The following KAZN variants were observed in gnomAD, a reference collection of about 807,000 sequenced individuals.
KAZN encodes the protein kazrin.
A neutral mutation model predicts 87.4 loss-of-function variants in KAZN; 40 were observed. The observed-to-expected ratio is 0.46, with a 90% confidence interval of 0.36 to 0.60. The LOEUF is 0.60. KAZN is among the 20% of genes least tolerant of loss of function. The pLI, the probability that KAZN is intolerant of heterozygous loss-of-function variation, is 0.00. For synonymous variants in KAZN, 466 were observed against 458.3 expected, an observed-to-expected ratio of 1.02 and a Z score of -0.22; for missense variants, 898 against 1,073.9, an observed-to-expected ratio of 0.84 and a Z score of 2.29.
chr1:13,907,590 C>G (rs1639493620), intron 1 of KAZN, among the ~76,000 whole-genome samples: 1 of 152,316 alleles, frequency 6.6e-6, no homozygotes, highest in East Asian at 1.9e-4. Flanking sequence ...TCCAAGCTCT[C>G]TTATCCAGGA....
At chr1:14,823,947 C>T (rs1044045602) in intron 1 of KAZN, among the ~76,000 whole-genome samples, 1 of 152,090 alleles carries the variant, frequency 6.6e-6, no homozygotes, top group Non-Finnish European at 1.5e-5. Context: ...AACCCCGTCT[C>T]TACTAAAAAC....
chr1:14,503,574 C>T (rs1670386877), intron 2 of KAZN, among the ~76,000 whole-genome samples: 1 of 149,320 alleles, frequency 6.7e-6, no homozygotes, highest in East Asian at 2.0e-4. Context: ...ATTGTAATTC[C>T]ACATCAAAAC....
chr1:15,102,486 G>C (rs985168228), intron 11 of KAZN, among the ~76,000 whole-genome samples: 2 of 152,158 alleles, frequency 1.3e-5, no homozygotes, highest in African/African-American at 4.8e-5. Flanking sequence ...GGGAGGTGGT[G>C]GGGGGTTGCT....
Position 15,099,276 on chromosome 1 carries a change from G to A in KAZN, c.1548-2267G>A, listed in dbSNP as rs1349342966. 3.3e-5 allele frequency among the ~76,000 whole-genome samples: 5 copies of A among 152,226 alleles called. No individual in the cohort carries two copies. The highest frequency in any genetic ancestry group is 5.9e-5 in the Non-Finnish European group (4 of 68,044). ...CATTCAATCAGTGTCTACTGTGCACGTAGACTGTGCTGTTTGGCAGTGAAC... is the reference window on the plus strand; with the variant it reads ...CATTCAATCAGTGTCTACTGTGCACATAGACTGTGCTGTTTGGCAGTGAAC... On this transcript the variant is annotated intron_variant, in intron 10 of 14. Transcript: ENST00000376030. The surrounding 1 kb of genome is among the most constrained non-coding windows in gnomAD (Gnocchi z 5.4).
chr1:14,536,214 A>G (rs1672496225), intron 2 of KAZN, among the ~76,000 whole-genome samples: 1 of 152,224 alleles, frequency 6.6e-6, no homozygotes. Flanking sequence ...GGTTTAAATC[A>G]TTTGGAATGG....
chr1:14,420,982 T>C (rs912978379), intron 2 of KAZN, among the ~76,000 whole-genome samples: 1 of 150,888 alleles, frequency 6.6e-6, no homozygotes, highest in Non-Finnish European at 1.5e-5. Flanking sequence ...GCTCCCACAG[T>C]GCAGCGGTGG....
intron 1 of KAZN, among the ~76,000 whole-genome samples, chr1:14,676,067 T>G (rs746470293): frequency 1.3e-5 from 2 of 152,202 alleles, no homozygotes; most frequent in African/African-American, 2.4e-5. Flanking sequence ...GACCAGCACC[T>G]GCAACTTGAG....
At chr1:15,097,542 G>A (rs537684453) in intron 10 of KAZN, among the ~76,000 whole-genome samples, 1 of 152,266 alleles carries the variant, frequency 6.6e-6, no homozygotes, top group East Asian at 1.9e-4. Context: ...GAGAAGGCCG[G>A]GTACGATGGC....
chr1:14,986,600 G>A (rs1666847925), intron 2 of KAZN, among the ~76,000 whole-genome samples: 1 of 152,152 alleles, frequency 6.6e-6, no homozygotes, highest in Admixed American at 6.5e-5. Context: ...ACTGAGTACG[G>A]CTGGTATGGG....
intron 2 of KAZN, among the ~76,000 whole-genome samples, chr1:14,437,135 A>G (rs1213860401): frequency 1.3e-5 from 2 of 152,216 alleles, no homozygotes; most frequent in African/African-American, 2.4e-5. Context: ...TAGATCCTGC[A>G]TGGAAATTCA....
chr1:14,226,659 C>T (rs1475573726), intron 2 of KAZN, among the ~76,000 whole-genome samples: 1 of 152,162 alleles, frequency 6.6e-6, no homozygotes, highest in East Asian at 1.9e-4. Flanking sequence ...CCTGGATTCC[C>T]ATCAACAGTG....
intron 2 of KAZN, among the ~76,000 whole-genome samples, chr1:14,563,410 C>T (rs1333068768): frequency 6.6e-6 from 1 of 152,202 alleles, no homozygotes; most frequent in African/African-American, 2.4e-5. Context: ...CCAGTCAGGC[C>T]TTTCCCTAGA....
chr1:14,327,470 G>C (rs1571311954), intron 2 of KAZN, among the ~76,000 whole-genome samples: 1 of 152,146 alleles, frequency 6.6e-6, no homozygotes, highest in Non-Finnish European at 1.5e-5. Flanking sequence ...GCGGGCCTCA[G>C]TCTCTCCCTC....
At chr1:14,077,089 G>T (rs1220075655) in intron 1 of KAZN, among the ~76,000 whole-genome samples, 2 of 152,122 alleles carry the variant, frequency 1.3e-5, no homozygotes, top group Non-Finnish European at 2.9e-5. Context: ...TTGACCAGTT[G>T]CTTCCTCGGG....
At chr1:14,040,795 AAAT>A (rs1445721250) in intron 1 of KAZN, among the ~76,000 whole-genome samples, 6 of 151,352 alleles carry the variant, frequency 4.0e-5, no homozygotes, top group African/African-American at 1.5e-4. Context: ...AAATTAAATT[AAAT>A]TAAAATAAAA....
In KAZN at chr1:14,769,403, G is replaced by T. The variant is rs993692661; in HGVS notation, c.226+170180G>T. 6.6e-6 allele frequency among the ~76,000 whole-genome samples: 1 copy of T among 152,168 alleles called. No individual in the cohort carries two copies. The highest frequency in any genetic ancestry group is 2.4e-5 in the African/African-American group (1 of 41,432). On this transcript the variant is annotated intron_variant, in intron 1 of 14. Coordinates refer to ENST00000376030, the MANE Select transcript of KAZN (RefSeq NM_201628.3). This position sits in a 1 kb window ranked among gnomAD's most constrained non-coding sequence, Gnocchi z 4.1. ...GAGTCGTGCTCTCGTTGCCCAGGCT[G>T]GAGTGCGACGGCGCTATCTTGGCTC...
In KAZN at chr1:14,639,006, T is replaced by G. The variant is rs527507024; in HGVS notation, c.226+39783T>G. On this transcript the variant is annotated intron_variant, in intron 1 of 14. Transcript: ENST00000376030. Reference sequence around the variant, plus strand: ...TCCTCAGTTTACCTCTCTGGCATCATCTAGTGCTACCTTCCACCATACACA... The same window carrying G: ...TCCTCAGTTTACCTCTCTGGCATCAGCTAGTGCTACCTTCCACCATACACA... Among the ~76,000 whole-genome samples, 16 of 152,332 alleles carry G rather than the reference T, an allele frequency of 1.1e-4. No homozygotes were observed. In the East Asian group the frequency reaches 3.1e-3, roughly 29 times the overall value.
At chr1:14,279,627 T>C (rs61771843) in intron 2 of KAZN, among the ~76,000 whole-genome samples, 1 of 152,230 alleles carries the variant, frequency 6.6e-6, no homozygotes, top group African/African-American at 2.4e-5. Context: ...TCATTTTCTT[T>C]ATCAGAAAAC....
At chr1:14,812,116 A>C (rs1646429526) in intron 1 of KAZN, among the ~76,000 whole-genome samples, 1 of 151,766 alleles carries the variant, frequency 6.6e-6, no homozygotes, top group Non-Finnish European at 1.5e-5. Flanking sequence ...TTTCCCTTGA[A>C]ATGTTCAGCA....
Sources: allele counts gnomAD v4.1 joint callset (sites outside exome capture counted in the v4.1 genomes callset), GRCh38; gene constraint gnomAD v4.1.1; non-coding constraint Gnocchi (gnomAD v3.1); transcripts MANE v1.5; gene names NCBI Gene and HGNC (gene_info 2026-07-23, HGNC 2026-07-21).